The following HKDC1 variants were observed in gnomAD, a reference collection of about 807,000 sequenced individuals.
The protein encoded by HKDC1 is hexokinase HKDC1.
Under a neutral mutation model 96.6 loss-of-function variants are expected in HKDC1, and 66 were observed. The ratio of observed to expected loss-of-function variants is 0.68; its 90% CI spans 0.56 to 0.84. The LOEUF (loss-of-function observed/expected upper bound fraction) is 0.84. HKDC1 is among the 40% of genes least tolerant of loss of function. The probability of loss-of-function intolerance (pLI) is 0.00; values close to 1 mark genes in which losing one functional copy is unlikely to be tolerated. For missense variants in HKDC1, 1,211 were observed against 1,208.1 expected, an observed-to-expected ratio of 1.00 and a Z score of -0.04; for synonymous variants, 466 against 473.1, an observed-to-expected ratio of 0.98 and a Z score of 0.20.
At chr10:69,221,826 G>A (rs1364280357) in intron 1 of HKDC1, among the ~76,000 whole-genome samples, 2 of 151,818 alleles carry the variant, frequency 1.3e-5, no homozygotes, top group South Asian at 2.1e-4. Flanking sequence ...CCAACTACTC[G>A]GGAGGCTGCG....
intron 6 of HKDC1, 39 bp downstream of exon 6, chr10:69,240,790 A>C (rs1486646287): frequency 2.0e-6 from 3 of 1,494,452 alleles, no homozygotes; most frequent in Non-Finnish European, 2.8e-6. Flanking sequence ...GTAGGGGAGA[A>C]GGGACTGTTT....
intron 1 of HKDC1, among the ~76,000 whole-genome samples, chr10:69,225,517 T>A (rs780794432): frequency 6.6e-6 from 1 of 152,184 alleles, no homozygotes; most frequent in Non-Finnish European, 1.5e-5. Flanking sequence ...GGCTGTCTGA[T>A]GATTTTCTGG....
At chr10:69,227,720 G>A (rs767382564) in intron 2 of HKDC1, among the ~76,000 whole-genome samples, 1 of 152,194 alleles carries the variant, frequency 6.6e-6, no homozygotes, top group Admixed American at 6.5e-5. Context: ...CTGGGTGCTT[G>A]TCAGGGCACT....
intron 12 of HKDC1, among the ~76,000 whole-genome samples, chr10:69,252,913 T>A (rs1843665953): frequency 1.3e-5 from 2 of 151,596 alleles, no homozygotes; most frequent in Admixed American, 6.6e-5. Flanking sequence ...GATGGGAGGA[T>A]CACTTGAGTC....
At chr10:69,239,657 C>T (rs1051962378) in intron 5 of HKDC1, among the ~76,000 whole-genome samples, 3 of 152,194 alleles carry the variant, frequency 2.0e-5, no homozygotes, top group Non-Finnish European at 4.4e-5. Context: ...TTGCTTGTTG[C>T]CCTGACAGCA....
chr10:69,221,900 G>A (rs989974482), intron 1 of HKDC1, among the ~76,000 whole-genome samples: 5 of 151,284 alleles, frequency 3.3e-5, no homozygotes, highest in Admixed American at 3.3e-4. Flanking sequence ...GACAGAGTGA[G>A]ACCCTGTCTG....
chr10:69,248,793 C>T, intron 10 of HKDC1, 65 bp downstream of exon 10: 1 of 1,435,550 alleles, frequency 7.0e-7, no homozygotes, highest in Non-Finnish European at 9.3e-7. Context: ...TCCTTAAAGC[C>T]AGTGAGGTTC....
chr10:69,244,791 A>G (rs1412634677), intron 7 of HKDC1, among the ~76,000 whole-genome samples: 1 of 152,022 alleles, frequency 6.6e-6, no homozygotes, highest in South Asian at 2.1e-4. Flanking sequence ...ATACCATTGC[A>G]CTCCAGCCTG....
chr10:69,233,302 G>A (rs1010931903), intron 4 of HKDC1, among the ~76,000 whole-genome samples, 169 bp downstream of exon 4: 5 of 152,140 alleles, frequency 3.3e-5, no homozygotes, highest in African/African-American at 4.8e-5. Flanking sequence ...ACTTGTTAAC[G>A]CAATGGCCTT....
chr10:69,229,225 G>A (rs1328275008), intron 2 of HKDC1, among the ~76,000 whole-genome samples: 1 of 152,210 alleles, frequency 6.6e-6, no homozygotes, highest in Non-Finnish European at 1.5e-5. Flanking sequence ...CTCTCAGGGG[G>A]CTTTGATGGG....
chr10:69,237,355 A>T (rs566365013), intron 4 of HKDC1, among the ~76,000 whole-genome samples: 1 of 150,766 alleles, frequency 6.6e-6, no homozygotes, highest in Non-Finnish European at 1.5e-5. Context: ...ACTTTTTTCA[A>T]GGTTTAAAAA....
In HKDC1 at chr10:69,227,277, C is replaced by T. The variant is rs1843175177; in HGVS notation, c.134C>T (p.Ala45Val). 8 of 1,614,022 alleles carry T rather than the reference C, an allele frequency of 5.0e-6. No individual in the cohort carries two copies. The highest frequency in any genetic ancestry group is 6.8e-6 in the Non-Finnish European group (8 of 1,180,032). The change falls in exon 2 of 18, where the codon GCT becomes GTT. Residue 45 changes from alanine to valine, a missense_variant. Coordinates refer to ENST00000354624, the MANE Select transcript of HKDC1 (RefSeq NM_025130.4). ...TLLDIMRRFR[A>V]EMEKGLAKDT... Reference sequence around the variant, plus strand: ...TTGGACATCATGAGGCGGTTCCGGGCTGAGATGGAGAAGGGCCTGGCAAAG... The same window carrying T: ...TTGGACATCATGAGGCGGTTCCGGGTTGAGATGGAGAAGGGCCTGGCAAAG...
At chr10:69,225,701 G>A (rs537134127) in intron 1 of HKDC1, 198 of 152,208 alleles carry the variant, frequency 1.3e-3, no homozygotes, top group African/African-American at 4.6e-3. Flanking sequence ...TTTGTCTGTC[G>A]GGCTTATGCA....
In HKDC1 at chr10:69,239,180, C is replaced by T. The variant is rs573721531; in HGVS notation, c.591+43C>T. The T allele has an allele frequency of 2.0e-6, 3 of 1,491,958 alleles. No homozygotes were observed. In the South Asian group the frequency reaches 3.4e-5, roughly 17 times the overall value. 92.4% of individuals were successfully genotyped at this position (1,491,958 alleles called of 1,614,324 possible). A position where few individuals can be genotyped will look rare whatever the true frequency, so the allele number is the denominator to read the frequency against. On this transcript the variant is annotated intron_variant, in intron 5 of 17. Transcript: ENST00000354624. ...GTGTGGGAGGCTCTCCCAGCCCTAG[C>T]TCCTTTCTCTTGGGTTGGTGGGGCT... is the stretch of plus-strand genomic sequence containing the variant.
At chr10:69,236,966 T>C (rs552761045) in intron 4 of HKDC1, among the ~76,000 whole-genome samples, 1 of 152,302 alleles carries the variant, frequency 6.6e-6, no homozygotes, top group East Asian at 1.9e-4. Flanking sequence ...TGGCCTCATC[T>C]GGCAAAGCTA....
intron 12 of HKDC1, among the ~76,000 whole-genome samples, chr10:69,252,643 CAA>C (rs71471534): frequency 6.2e-5 from 4 of 64,556 alleles, no homozygotes; most frequent in African/African-American, 6.6e-5. Context: ...GACTCTGTCT[CAA>C]AAAAAAAAAA....
chr10:69,267,317 A>T lies in HKDC1; in HGVS notation c.*560A>T. On this transcript the variant is annotated 3_prime_UTR_variant, in exon 18 of 18. Transcript: ENST00000354624. The stretch of plus-strand genomic sequence containing the variant: ...TGAAGTATCCAGCCCCAGGGTGCAG[A>T]GAGGTTGATTGCCAGGGAGCACTGC... 2.8e-6 allele frequency: 1 copy of T among 359,960 alleles called. No homozygotes were observed. The highest frequency in any genetic ancestry group is 5.3e-6 in the Non-Finnish European group (1 of 187,092). The allele number at this position is 359,960 out of a possible 1,614,324, so 22.3% of individuals were successfully genotyped here. A position where few individuals can be genotyped will look rare whatever the true frequency, so the allele number is the denominator to read the frequency against.
chr10:69,247,708 G>C (rs1309752189), intron 9 of HKDC1, 115 bp downstream of exon 9: 1 of 765,538 alleles, frequency 1.3e-6, no homozygotes, highest in Non-Finnish European at 2.1e-6. Flanking sequence ...CCCTCTTGTT[G>C]GTTCTGAGAT....
chr10:69,255,235 A>G (rs781522981), intron 12 of HKDC1, among the ~76,000 whole-genome samples: 8 of 152,376 alleles, frequency 5.3e-5, no homozygotes, highest in East Asian at 1.9e-4. Flanking sequence ...GAGAAAAAAG[A>G]GAGACGTCAA....
Sources: gnomAD v4.1 joint callset for allele counts (sites outside exome capture counted in the v4.1 genomes callset) on GRCh38, gnomAD v4.1.1 for gene constraint, MANE v1.5 for transcripts, NCBI Gene and HGNC (gene_info 2026-07-23, HGNC 2026-07-21) for gene names.